Variants in ZNF410 observed in about 807,000 individuals in gnomAD.
ZNF410 encodes the protein zinc finger protein 410, also known as another partner for ARF 1.
In ZNF410, 18 loss-of-function variants were observed where a neutral mutation model predicts 54.8. That is an observed-to-expected ratio of 0.33 (90% CI 0.23 to 0.49). ZNF410 has a LOEUF of 0.49. ZNF410 is among the 20% of genes least tolerant of loss of function. The pLI, the probability that ZNF410 is intolerant of heterozygous loss-of-function variation, is 0.99. For synonymous variants in ZNF410, 191 were observed against 207.3 expected (o/e 0.92, Z 0.68); for missense variants, 405 against 569.6 (o/e 0.71, Z 2.94).
At chr14:73,929,518 T>C (rs17094043) in intron 11 of ZNF410, among the ~76,000 whole-genome samples, 4,834 of 152,198 alleles carry the variant, frequency 0.032, 266 homozygotes, top group African/African-American at 0.11. Context: ...AAAAATAGCT[T>C]ATCAAGAATA....
chr14:73,927,093 T>A (rs1355304866), intron 11 of ZNF410: 1 of 165,044 alleles, frequency 6.1e-6, no homozygotes, highest in African/African-American at 2.4e-5. Flanking sequence ...ATTATGATTT[T>A]TTTTTTTTTT....
chr14:73,890,884 C>A (rs1027581122), intron 1 of ZNF410, among the ~76,000 whole-genome samples: 1 of 151,988 alleles, frequency 6.6e-6, no homozygotes, highest in Non-Finnish European at 1.5e-5. Flanking sequence ...GTGTCTCATG[C>A]CTGTAATCCC....
In ZNF410 at chr14:73,909,333, G is replaced by T; in HGVS notation, c.914-8G>T. 1 of 1,610,514 alleles carries T rather than the reference G, an allele frequency of 6.2e-7. No individual in the cohort carries two copies. The highest frequency in any genetic ancestry group is 8.5e-7 in the Non-Finnish European group (1 of 1,178,590). The stretch of plus-strand genomic sequence containing the variant: ...AGACTGAGTCTTTATCTCATTTTCT[G>T]TCTCTAGGAGAGAAACCTTTCCTTT... On this transcript the variant is annotated splice_region_variant and splice_polypyrimidine_tract_variant and intron_variant, in intron 7 of 11. Coordinates refer to ENST00000555044, the MANE Select transcript of ZNF410 (RefSeq NM_021188.3).
intron 2 of ZNF410, 167 bp from the exon 3 acceptor site, chr14:73,893,630 T>C (rs2055265280): frequency 1.3e-6 from 1 of 761,390 alleles, no homozygotes; most frequent in Non-Finnish European, 1.9e-6. Flanking sequence ...AGCTGTTCTC[T>C]AGAACAGAGA....
At chr14:73,892,232 T>G (rs769785228) in intron 2 of ZNF410, 24 bp downstream of exon 2, 8 of 1,610,034 alleles carry the variant, frequency 5.0e-6, no homozygotes, top group Non-Finnish European at 6.8e-6. Context: ...GCTTGTTTCC[T>G]TTTCTTTTGG....
chr14:73,930,676 C>T (rs1180309726), intron 11 of ZNF410, among the ~76,000 whole-genome samples: 1 of 152,118 alleles, frequency 6.6e-6, no homozygotes, highest in Non-Finnish European at 1.5e-5. Context: ...GATCATAGCT[C>T]ACTGCACCCT....
chr14:73,891,211 G>A (rs543016206), intron 1 of ZNF410, among the ~76,000 whole-genome samples: 6 of 151,950 alleles, frequency 3.9e-5, no homozygotes, highest in South Asian at 2.1e-4. Context: ...GTATAGCTAC[G>A]GTCATAGCTG....
chr14:73,920,748 A>G, intron 8 of ZNF410: 1 of 483,238 alleles, frequency 2.1e-6, no homozygotes, highest in Non-Finnish European at 3.7e-6. Context: ...GCATTACAGA[A>G]GGTCTGGAAA....
intron 9 of ZNF410, 124 bp from the exon 10 acceptor site, chr14:73,921,942 G>A (rs1343674580): frequency 3.8e-6 from 4 of 1,065,026 alleles, no homozygotes; most frequent in Non-Finnish European, 5.5e-6. Flanking sequence ...GAAATAGGGG[G>A]TGGCATCCCA....
At chr14:73,905,646 C>T (rs1200106933) in intron 7 of ZNF410, 3 of 152,092 alleles carry the variant, frequency 2.0e-5, no homozygotes, top group Non-Finnish European at 4.4e-5. Context: ...ATCTAAGAGT[C>T]TAAGGGTGAT....
chr14:73,892,432 A>G (rs2055245118), intron 2 of ZNF410, among the ~76,000 whole-genome samples: 1 of 151,800 alleles, frequency 6.6e-6, no homozygotes, highest in Non-Finnish European at 1.5e-5. Flanking sequence ...GAAATCATAC[A>G]TTTAGATAAT....
chr14:73,918,144 T>C (rs1336078657), intron 8 of ZNF410, among the ~76,000 whole-genome samples: 1 of 152,228 alleles, frequency 6.6e-6, no homozygotes, highest in Non-Finnish European at 1.5e-5. Context: ...AGTCTCGCTC[T>C]GTTGCCCAGG....
At position 73,909,418 on chromosome 14, in the gene ZNF410, G is replaced by T. The variant is rs763625773; in HGVS notation, c.991G>T (p.Val331Leu). ...GTATTCTAGCCTCCGAAAACATCTGGTGGTTCACTCAGGTATCAGAACCTC... is the reference window on the plus strand; with the variant it reads ...GTATTCTAGCCTCCGAAAACATCTGTTGGTTCACTCAGGTATCAGAACCTC... ...AEYSSLRKHL[V>L]VHSGEKPHQC... The change falls in exon 8 of 12, where the codon GTG becomes TTG. Residue 331 changes from valine (V) to leucine (L), a missense_variant. Val to Leu is a conservative substitution (Grantham distance 32, BLOSUM62 1). This residue lies in a region of ZNF410 where 31 missense variants were observed against 85.5 expected (regional missense o/e 0.36). Coordinates refer to ENST00000555044, the MANE Select transcript of ZNF410 (RefSeq NM_021188.3). The T allele has an allele frequency of 5.6e-6, 9 of 1,613,962 alleles. No homozygotes were observed. The Admixed American group carries it at 1.3e-4, about 24-fold the overall frequency.
At chr14:73,891,008 CTAAA>C (rs987945020) in intron 1 of ZNF410, among the ~76,000 whole-genome samples, 7 of 152,144 alleles carry the variant, frequency 4.6e-5, no homozygotes, top group African/African-American at 1.4e-4. Flanking sequence ...AACTCCATCT[CTAAA>C]TAAATAAATA....
chr14:73,923,447 A>T lies in ZNF410; in HGVS notation c.1323A>T (p.Thr441=), dbSNP rs769608943. Residue 441 remains threonine, a synonymous_variant, in exon 11 of 12, where the codon ACA becomes ACT. Coordinates refer to ENST00000555044, the MANE Select transcript of ZNF410 (RefSeq NM_021188.3). ...PRSLSSVPDV[T]HHLVTMQSGR... is the part of the protein sequence containing the mutation. ...CCCTGTCTTCAGTGCCTGATGTGAC[A>T]CATCACCTGGTGACCATGCAGTCAG... The T allele has an allele frequency of 6.2e-7, 1 of 1,614,120 alleles. No individual in the cohort carries two copies. The highest frequency in any genetic ancestry group is 8.5e-7 in the Non-Finnish European group (1 of 1,179,996).
intron 7 of ZNF410, among the ~76,000 whole-genome samples, chr14:73,907,894 G>GAAAAAGAAAAAAAATAAAAAA (rs2055515226): frequency 7.4e-6 from 1 of 135,794 alleles, no homozygotes. Flanking sequence ...ACTCTGTCTT[G>GAAAAAGAAAAAAAATAAAAAA]AAAAAAAAAA....
intron 1 of ZNF410, chr14:73,891,782 G>C (rs1481195490): frequency 3.1e-5 from 16 of 518,686 alleles, no homozygotes; most frequent in Non-Finnish European, 6.8e-6. Context: ...TTTGGACATA[G>C]CTCTATCCAT....
chr14:73,909,471 G>T lies in ZNF410; in HGVS notation c.1003+41G>T, dbSNP rs193243867. 2.3e-4 allele frequency: 363 copies of T among 1,553,992 alleles called. 1 individual carries two copies. The African/African-American group carries it at 4.4e-3, about 19-fold the overall frequency. The stretch of plus-strand genomic sequence containing the variant: ...CCATTCATAGATTTTAGGAAAAGTA[G>T]ACAAAAGAATAAAAGGGTTGTGGGG... On this transcript the variant is annotated intron_variant, in intron 8 of 11. Coordinates refer to ENST00000555044, the MANE Select transcript of ZNF410 (RefSeq NM_021188.3).
At chr14:73,908,160 C>G (rs1417782789) in intron 7 of ZNF410, among the ~76,000 whole-genome samples, 1 of 152,122 alleles carries the variant, frequency 6.6e-6, no homozygotes, top group African/African-American at 2.4e-5. Flanking sequence ...CATTTTGCTG[C>G]ATTGTCTTTT....
Sources: gnomAD v4.1 joint callset for allele counts (sites outside exome capture counted in the v4.1 genomes callset) on GRCh38, gnomAD v4.1.1 for gene constraint, gnomAD v4.1.1 regional missense constraint, MANE v1.5 for transcripts, NCBI Gene and HGNC (gene_info 2026-07-23, HGNC 2026-07-21) for gene names.